SPEG: variants seen among roughly 807,000 people sequenced by gnomAD.
SPEG encodes the protein striated muscle enriched protein kinase.
A neutral mutation model predicts 300.4 loss-of-function variants in SPEG; 114 were observed. The ratio of observed to expected loss-of-function variants is 0.38; its 90% confidence interval spans 0.33 to 0.44. SPEG has a LOEUF of 0.44. Among genes scored for constraint, SPEG ranks in the 20% least tolerant of loss-of-function variants. The pLI is 1.00. For synonymous variants in SPEG, 1,964 were observed against 2,018.9 expected (o/e 0.97, Z 0.73); for missense variants, 4,201 against 4,586.2 (o/e 0.92, Z 2.43).
In SPEG at chr2:219,472,966, G is replaced by A. The variant is rs1475538994; in HGVS notation, c.4017G>A (p.Leu1339=). The change falls in exon 16 of 41, where the codon CTG becomes CTA. Residue 1339 remains leucine (L), a synonymous_variant. Transcript: ENST00000312358. ...AGTGGACGGCACTGGTCACAGGCCT[G>A]CGGGAGCCAGGGTGGGCAGCCACAG... is the stretch of plus-strand genomic sequence containing the variant. The part of the protein sequence containing the change: ...SDQWTALVTG[L]REPGWAATGL... The A allele has an allele frequency of 5.0e-6, 8 of 1,613,802 alleles. No homozygotes were observed. The highest frequency in any genetic ancestry group is 2.2e-5 in the East Asian group (1 of 44,882).
chr2:219,460,946 G>C lies in SPEG; in HGVS notation c.2441-936G>C. 7.1e-6 allele frequency: 7 copies of C among 986,042 alleles called. No homozygotes were observed. In the South Asian group the frequency reaches 2.8e-4, roughly 40 times the overall value. 61.1% of individuals were successfully genotyped at this position (986,042 alleles called of 1,614,324 possible). A position where few individuals can be genotyped will look rare whatever the true frequency, so the allele number is the denominator to read the frequency against. On this transcript the variant is annotated intron_variant, in intron 6 of 40. Transcript: ENST00000312358. ...GGCAGCAGGAGGGCCTGGTGCCAGG[G>C]CAGAGCCTTCAGGACAGGCACAGGC...
chr2:219,489,174 G>A lies in SPEG; in HGVS notation c.8270G>A (p.Gly2757Glu). 6.2e-7 allele frequency: 1 copy of A among 1,614,000 alleles called. No individual in the cohort carries two copies. The highest frequency in any genetic ancestry group is 8.5e-7 in the Non-Finnish European group (1 of 1,179,964). The change falls in exon 35 of 41, where the codon GGG becomes GAG. Residue 2757 changes from glycine to glutamate, a missense_variant. Transcript: ENST00000312358. ...GCCTGTGCCAACCGTGCTGGGCAGGGGCCCTTCAGCAACTCTTCTGAGAAG... is the reference window on the plus strand; with the variant it reads ...GCCTGTGCCAACCGTGCTGGGCAGGAGCCCTTCAGCAACTCTTCTGAGAAG... Reference protein sequence around the residue: ...RVACANRAGQGPFSNSSEKVF... With the variant: ...RVACANRAGQEPFSNSSEKVF...
At position 219,451,498 on chromosome 2, in the gene SPEG, T is replaced by G; in HGVS notation, c.2258-127T>G. 8.7e-7 allele frequency: 1 copy of G among 1,154,546 alleles called. No homozygotes were observed. Among genetic ancestry groups the G allele is most frequent in the Non-Finnish European group, 1.2e-6 (1 of 853,780 alleles). 71.5% of individuals were successfully genotyped at this position (1,154,546 alleles called of 1,614,324 possible). On this transcript the variant is annotated intron_variant, in intron 5 of 40. Transcript: ENST00000312358. The surrounding 1 kb of genome is among the most constrained non-coding windows in gnomAD (Gnocchi z 6.4). ...TGAGCTTCCCAAAATGAGGGCGGAC[T>G]CTTCCAGATTCCCTGGGGTGCTGAG...
At chr2:219,452,145 C>T (rs1049497523) in intron 6 of SPEG, among the ~76,000 whole-genome samples, 14 of 152,292 alleles carry the variant, frequency 9.2e-5, no homozygotes, top group South Asian at 2.1e-4. Context: ...CTTGAGTTTC[C>T]GAGAAGAAGA....
chr2:219,444,904 C>T lies in SPEG; in HGVS notation c.558C>T (p.Ser186=), dbSNP rs1432243783. The part of the protein sequence containing the change: ...SVTGTSEEQV[S]WWGSGQTVLE... ...CAGGCACCTCAGAGGAGCAAGTGAG[C>T]TGGTGGGGCAGCGGGCAGACGGTCC... Residue 186 remains serine, a synonymous_variant, in exon 3 of 41, where the codon AGC becomes AGT. Transcript: ENST00000312358. This position sits in a 1 kb window ranked among gnomAD's most constrained non-coding sequence, Gnocchi z 7.8. 2 of 1,573,806 alleles carry T rather than the reference C, an allele frequency of 1.3e-6. No individual in the cohort carries two copies. The highest frequency in any genetic ancestry group is 1.7e-6 in the Non-Finnish European group (2 of 1,160,062).
rs1030616348 is a variant in SPEG, at chr2:219,481,804, G to T, written c.5565+124G>T. 3 of 841,996 alleles carry T rather than the reference G, an allele frequency of 3.6e-6. No homozygotes were observed. Among genetic ancestry groups the T allele is most frequent in the African/African-American group, 3.3e-5 (2 of 59,780 alleles). 52.2% of individuals were successfully genotyped at this position (841,996 alleles called of 1,614,324 possible). A position where few individuals can be genotyped will look rare whatever the true frequency, so the allele number is the denominator to read the frequency against. ...GTTAGGCATTGTATGTACATATGACGTATTAGCCTCACAATAGCTTTGCAA... is the reference window on the plus strand; with the variant it reads ...GTTAGGCATTGTATGTACATATGACTTATTAGCCTCACAATAGCTTTGCAA... On this transcript the variant is annotated intron_variant, in intron 28 of 40. Transcript: ENST00000312358. This position sits in a 1 kb window ranked among gnomAD's most constrained non-coding sequence, Gnocchi z 5.4.
chr2:219,450,555 A>T (rs1243264910), intron 4 of SPEG: 4 of 152,310 alleles, frequency 2.6e-5, no homozygotes, highest in African/African-American at 9.6e-5. Flanking sequence ...GTACCCATAC[A>T]GTACTCAGTA....
intron 1 of SPEG, among the ~76,000 whole-genome samples, chr2:219,436,011 A>T (rs1954709355): frequency 6.6e-6 from 1 of 152,148 alleles, no homozygotes; most frequent in African/African-American, 2.4e-5. Flanking sequence ...GTGTGCCTGC[A>T]TGGGTGCTGT....
In SPEG at chr2:219,448,851, G is replaced by C. The variant is rs1368201631; in HGVS notation, c.1693G>C (p.Gly565Arg). ...CTCTCCGAGCAGCGCGGAGAAGCCG[G>C]GGGACGAGCCTGGGAGGCCCAGGAG... The part of the protein sequence containing the change: ...PPSPSSAEKP[G>R]DEPGRPRSRG... Residue 565 changes from glycine (G) to arginine (R), a missense_variant, in exon 4 of 41, where the codon GGG becomes CGG. Gly to Arg is a moderately radical substitution (Grantham distance 125). Transcript: ENST00000312358. 4 of 1,402,110 alleles carry C rather than the reference G, an allele frequency of 2.9e-6. No individual in the cohort carries two copies. The highest frequency in any genetic ancestry group is 3.7e-6 in the Non-Finnish European group (4 of 1,086,482). 86.9% of individuals were successfully genotyped at this position (1,402,110 alleles called of 1,614,324 possible). A position where few individuals can be genotyped will look rare whatever the true frequency, so the allele number is the denominator to read the frequency against.
intron 18 of SPEG, among the ~76,000 whole-genome samples, chr2:219,475,596 C>T (rs1044235547): frequency 6.6e-6 from 1 of 152,202 alleles, no homozygotes; most frequent in Non-Finnish European, 1.5e-5. Context: ...GTCCCTAGCA[C>T]TCTCCACTCA....
chr2:219,484,656 G>C lies in SPEG; in HGVS notation c.7193G>C (p.Arg2398Thr), dbSNP rs1219385760. 1 of 1,532,178 alleles carries C rather than the reference G, an allele frequency of 6.5e-7. No individual in the cohort carries two copies. The highest frequency in any genetic ancestry group is 8.7e-7 in the Non-Finnish European group (1 of 1,145,284). 94.9% of individuals were successfully genotyped at this position (1,532,178 alleles called of 1,614,324 possible). A position where few individuals can be genotyped will look rare whatever the true frequency, so the allele number is the denominator to read the frequency against. ...CGCTCACGCTCGGTGCAGGACCTCA[G>C]GGCTGTCGGAGAGCCTGGCCTCGTC... ...PERSRSVQDL[R>T]AVGEPGLVRR... Residue 2398 changes from arginine (R) to threonine (T), a missense_variant, in exon 30 of 41, where the codon AGG becomes ACG. By Grantham distance (71) the Arg-to-Thr change is moderately conservative (BLOSUM62 -1). Coordinates refer to ENST00000312358, the MANE Select transcript of SPEG (RefSeq NM_005876.5).
At chr2:219,442,779 G>C (rs1237225646) in intron 1 of SPEG, among the ~76,000 whole-genome samples, 9 of 141,802 alleles carry the variant, frequency 6.3e-5, no homozygotes, top group Non-Finnish European at 4.5e-5. Flanking sequence ...TCTTTCTCTC[G>C]GGCTGTTGCC....
chr2:219,435,119 C>T lies in SPEG; in HGVS notation c.142C>T (p.Pro48Ser). Reference sequence around the variant, plus strand: ...GGCCGGGGCGCCAGTCTTCCTGCGGCCCCTGAAGAACGCGGCGGTGTGCGC... The same window carrying T: ...GGCCGGGGCGCCAGTCTTCCTGCGGTCCCTGAAGAACGCGGCGGTGTGCGC... The part of the protein sequence containing the change: ...AVAGAPVFLR[P>S]LKNAAVCAGS... The change falls in exon 1 of 41, where the codon CCC becomes TCC. Residue 48 changes from proline (P) to serine (S), a missense_variant. Physicochemically the swap from Pro to Ser is moderately conservative, Grantham distance 74. Coordinates refer to ENST00000312358, the MANE Select transcript of SPEG (RefSeq NM_005876.5). 1 of 1,457,860 alleles carries T rather than the reference C, an allele frequency of 6.9e-7. No homozygotes were observed. The highest frequency in any genetic ancestry group is 9.0e-7 in the Non-Finnish European group (1 of 1,115,718). The allele number at this position is 1,457,860 out of a possible 1,614,324, so 90.3% of individuals were successfully genotyped here. A position where few individuals can be genotyped will look rare whatever the true frequency, so the allele number is the denominator to read the frequency against.
In SPEG at chr2:219,473,153, G is replaced by T; in HGVS notation, c.4147+57G>T. 6.5e-7 allele frequency: 1 copy of T among 1,526,832 alleles called. No homozygotes were observed. The allele number at this position is 1,526,832 out of a possible 1,614,324, so 94.6% of individuals were successfully genotyped here. On this transcript the variant is annotated intron_variant, in intron 16 of 40. Transcript: ENST00000312358. The surrounding 1 kb of genome is among the most constrained non-coding windows in gnomAD (Gnocchi z 4.6). Reference sequence around the variant, plus strand: ...GGGAGCTGCTGGGATGGGGAATGGGGGCCCTGTGGTGGAGGCTCAAGGGAT... The same window carrying T: ...GGGAGCTGCTGGGATGGGGAATGGGTGCCCTGTGGTGGAGGCTCAAGGGAT...
chr2:219,466,155 C>T, intron 9 of SPEG: 3 of 1,536,040 alleles, frequency 2.0e-6, no homozygotes, highest in Non-Finnish European at 2.6e-6. Flanking sequence ...TTCACTGCCT[C>T]CTGCCCACAG....
Position 219,467,455 on chromosome 2 carries a change from T to TG in SPEG, c.3142+24dup, listed in dbSNP as rs751716356. On this transcript the variant is annotated intron_variant, in intron 10 of 40. Transcript: ENST00000312358. ...CAAAGGTAACTCCCCACTCAGGCAT[T>TG]GGGCTGCCGTGGGTGCCCAAGAGCT... 6 of 1,581,174 alleles carry TG rather than the reference T, an allele frequency of 3.8e-6. No homozygotes were observed. The East Asian group carries it at 1.1e-4, about 30-fold the overall frequency.
chr2:219,462,312 C>T lies in SPEG; in HGVS notation c.2631C>T (p.Asp877=). ...APPTFKVSLM[D]QSVREGQDVI... Reference sequence around the variant, plus strand: ...ACCCCCTTCAGGTCTCACTTATGGACCAGTCAGTAAGAGAAGGCCAAGATG... The same window carrying T: ...ACCCCCTTCAGGTCTCACTTATGGATCAGTCAGTAAGAGAAGGCCAAGATG... The change falls in exon 8 of 41, where the codon GAC becomes GAT. Residue 877 remains aspartate, a synonymous_variant. Transcript: ENST00000312358. The T allele has an allele frequency of 3.8e-6, 6 of 1,566,708 alleles. No homozygotes were observed. The highest frequency in any genetic ancestry group is 5.2e-6 in the Non-Finnish European group (6 of 1,154,412).
rs1260997091 is a variant in SPEG at position 219,492,188 on chromosome 2, C to T, written c.9539C>T (p.Ala3180Val). ...EARIVGGRFD[A>V]FQLYPNTSQS... ...CGGATTGTGGGGGGCCGCTTTGATGCCTTCCAGCTGTACCCCAATACATCC... is the reference window on the plus strand; with the variant it reads ...CGGATTGTGGGGGGCCGCTTTGATGTCTTCCAGCTGTACCCCAATACATCC... The change falls in exon 40 of 41, where the codon GCC becomes GTC. Residue 3180 changes from alanine (A) to valine (V), a missense_variant. Ala to Val is a moderately conservative substitution (Grantham distance 64, BLOSUM62 0). Around this residue, in one of 4 missense-constraint regions of SPEG, gnomAD observed 318 missense variants for 429.5 expected, o/e 0.74. Transcript: ENST00000312358. 6.2e-7 allele frequency: 1 copy of T among 1,613,624 alleles called. No homozygotes were observed. Among genetic ancestry groups the T allele is most frequent in the Non-Finnish European group, 8.5e-7 (1 of 1,179,922 alleles).
rs1692687866 is a variant in SPEG at position 219,480,006 on chromosome 2, G to A, written c.5208G>A (p.Gln1736=). The A allele has an allele frequency of 6.2e-7, 1 of 1,614,068 alleles. No individual in the cohort carries two copies. Among genetic ancestry groups the A allele is most frequent in the Admixed American group, 1.7e-5 (1 of 60,008 alleles). The part of the protein sequence containing the change: ...LVWDGAAGEQ[Q]VRICDFGNAQ... ...GGGATGGTGCTGCGGGCGAGCAGCA[G>A]GTGCGGATCTGTGACTTTGGGAATG... is the stretch of plus-strand genomic sequence containing the variant. Residue 1736 remains glutamine, a synonymous_variant, in exon 25 of 41, where the codon CAG becomes CAA. Coordinates refer to ENST00000312358, the MANE Select transcript of SPEG (RefSeq NM_005876.5). This position sits in a 1 kb window ranked among gnomAD's most constrained non-coding sequence, Gnocchi z 5.3.
Sources: allele counts gnomAD v4.1 joint callset (sites outside exome capture counted in the v4.1 genomes callset), GRCh38; gene constraint gnomAD v4.1.1; regional missense constraint gnomAD v4.1.1; non-coding constraint Gnocchi (gnomAD v3.1); transcripts MANE v1.5; gene names NCBI Gene and HGNC (gene_info 2026-07-23, HGNC 2026-07-21).